GALNTL6: variants seen among roughly 807,000 people sequenced by gnomAD.
The protein encoded by GALNTL6 is polypeptide N-acetylgalactosaminyltransferase like 6, also known as polypeptide N-acetylgalactosaminyltransferase-like 6.
In GALNTL6, 46 loss-of-function variants were observed where a neutral mutation model predicts 73.7. The observed-to-expected ratio is 0.62, with a 90% CI of 0.49 to 0.80. The LOEUF (loss-of-function observed/expected upper bound fraction) is 0.80, where lower values mean the gene tolerates loss of function less well. GALNTL6 is among the 30% of genes least tolerant of loss of function. GALNTL6 has a pLI of 0.00. For missense variants in GALNTL6, 604 were observed against 755.0 expected, an observed-to-expected ratio of 0.80 and a Z score of 2.34; for synonymous variants, 259 against 263.7, an observed-to-expected ratio of 0.98 and a Z score of 0.17.
At chr4:172,315,031 C>A (rs993557614) in intron 4 of GALNTL6, among the ~76,000 whole-genome samples, 1 of 152,098 alleles carries the variant, frequency 6.6e-6, no homozygotes, top group African/African-American at 2.4e-5. Flanking sequence ...GAGCCATAGA[C>A]GAAGGACAGT....
At chr4:172,496,256 T>G (rs1018410393) in intron 5 of GALNTL6, among the ~76,000 whole-genome samples, 8 of 152,232 alleles carry the variant, frequency 5.3e-5, no homozygotes, top group Non-Finnish European at 2.9e-5. Context: ...TTACAAATTT[T>G]GCAAAAGGTC....
At chr4:172,325,849 A>G (rs1005167740) in intron 4 of GALNTL6, among the ~76,000 whole-genome samples, 5 of 151,828 alleles carry the variant, frequency 3.3e-5, no homozygotes, top group African/African-American at 1.2e-4. Flanking sequence ...AAGGGGAACT[A>G]TTTGGGGGAA....
At chr4:172,699,061 G>T (rs1283694890) in intron 5 of GALNTL6, among the ~76,000 whole-genome samples, 1 of 152,070 alleles carries the variant, frequency 6.6e-6, no homozygotes, top group Non-Finnish European at 1.5e-5. Context: ...CCTGCTTTCT[G>T]GTTCATAGAA....
intron 5 of GALNTL6, among the ~76,000 whole-genome samples, chr4:172,640,780 G>T (rs1739938505): frequency 6.6e-6 from 1 of 152,090 alleles, no homozygotes; most frequent in Admixed American, 6.6e-5. Flanking sequence ...CTGAGGAACT[G>T]TGAGTTTCTC....
chr4:171,916,513 T>C (rs543776516), intron 2 of GALNTL6, among the ~76,000 whole-genome samples: 26 of 152,232 alleles, frequency 1.7e-4, no homozygotes, highest in Admixed American at 6.6e-4. Flanking sequence ...AAAATGTAGG[T>C]GCGTTCAGAC....
At chr4:172,537,675 T>C (rs2110864070) in intron 5 of GALNTL6, among the ~76,000 whole-genome samples, 1 of 152,330 alleles carries the variant, frequency 6.6e-6, no homozygotes, top group Non-Finnish European at 1.5e-5. Context: ...TGTGTTATTA[T>C]ATAAGATTTG....
chr4:172,932,648 C>T (rs1486400701), intron 9 of GALNTL6, among the ~76,000 whole-genome samples: 7 of 152,108 alleles, frequency 4.6e-5, no homozygotes, highest in African/African-American at 1.7e-4. Context: ...TTCACATATA[C>T]ATAATGAGAT....
intron 8 of GALNTL6, among the ~76,000 whole-genome samples, chr4:172,914,938 G>C (rs1747421072): frequency 6.6e-6 from 1 of 152,194 alleles, no homozygotes; most frequent in Non-Finnish European, 1.5e-5. Context: ...CAAATCAACA[G>C]AATATACATT....
chr4:172,928,588 T>C (rs1405777117), intron 8 of GALNTL6, among the ~76,000 whole-genome samples: 1 of 152,218 alleles, frequency 6.6e-6, no homozygotes, highest in African/African-American at 2.4e-5. Flanking sequence ...AAGTCCATTC[T>C]ATCTTTAATC....
intron 2 of GALNTL6, among the ~76,000 whole-genome samples, chr4:172,100,216 C>A (rs1313009236): frequency 6.6e-6 from 1 of 152,062 alleles, no homozygotes; most frequent in African/African-American, 2.4e-5. Flanking sequence ...TTATCACAAA[C>A]ATTGTTATTT....
intron 3 of GALNTL6, among the ~76,000 whole-genome samples, chr4:172,303,466 G>A (rs929324067): frequency 2.0e-5 from 3 of 152,052 alleles, no homozygotes; most frequent in Non-Finnish European, 4.4e-5. Flanking sequence ...CCTTAGTTGC[G>A]ATTCCTAATC....
At chr4:172,558,607 C>T (rs2110918855) in intron 5 of GALNTL6, among the ~76,000 whole-genome samples, 2 of 152,256 alleles carry the variant, frequency 1.3e-5, no homozygotes, top group African/African-American at 4.8e-5. Context: ...GGACTTTTAG[C>T]CTCCAGAACT....
chr4:171,985,025 T>G (rs1046643991), intron 2 of GALNTL6, among the ~76,000 whole-genome samples: 1 of 151,828 alleles, frequency 6.6e-6, no homozygotes, highest in Non-Finnish European at 1.5e-5. Flanking sequence ...AAACCCAACT[T>G]CCTTGCCTTT....
At chr4:172,624,941 A>G (rs1378731677) in intron 5 of GALNTL6, among the ~76,000 whole-genome samples, 1 of 151,834 alleles carries the variant, frequency 6.6e-6, no homozygotes, top group Non-Finnish European at 1.5e-5. Context: ...TCCAGTAGTA[A>G]GTTTTTCAAC....
intron 5 of GALNTL6, among the ~76,000 whole-genome samples, chr4:172,697,744 T>C (rs1023287950): frequency 6.6e-6 from 1 of 152,166 alleles, no homozygotes; most frequent in Non-Finnish European, 1.5e-5. Flanking sequence ...AAATATATCA[T>C]ATTATTAAAA....
At chr4:172,031,264 T>A (rs1325301796) in intron 2 of GALNTL6, among the ~76,000 whole-genome samples, 1 of 152,008 alleles carries the variant, frequency 6.6e-6, no homozygotes, top group Non-Finnish European at 1.5e-5. Context: ...CAAACAAAAA[T>A]TAAGTATGTT....
chr4:172,804,033 C>T (rs1292263635), intron 5 of GALNTL6, among the ~76,000 whole-genome samples: 1 of 152,156 alleles, frequency 6.6e-6, no homozygotes, highest in African/African-American at 2.4e-5. Context: ...TATGTTTCTC[C>T]AGTGTAAAGA....
chr4:172,665,558 C>G (rs1579308820), intron 5 of GALNTL6, among the ~76,000 whole-genome samples: 2 of 152,306 alleles, frequency 1.3e-5, no homozygotes, highest in Admixed American at 1.3e-4. Flanking sequence ...ACAAAAATAG[C>G]CTCCATTAGG....
At chr4:172,876,755 T>C (rs1274493505) in intron 7 of GALNTL6, among the ~76,000 whole-genome samples, 2 of 152,232 alleles carry the variant, frequency 1.3e-5, no homozygotes, top group Admixed American at 6.5e-5. Flanking sequence ...TAGCCACTCT[T>C]TTCAAAATTC....
Sources: gnomAD v4.1 joint callset for allele counts (sites outside exome capture counted in the v4.1 genomes callset) on GRCh38, gnomAD v4.1.1 for gene constraint, MANE v1.5 for transcripts, NCBI Gene and HGNC (gene_info 2026-07-23, HGNC 2026-07-21) for gene names.